Variants in ST3GAL3 observed in about 807,000 individuals in gnomAD.
ST3GAL3 encodes ST3 beta-galactoside alpha-2,3-sialyltransferase 3.
A neutral mutation model predicts 50.1 loss-of-function variants in ST3GAL3; 21 were observed. The ratio of observed to expected loss-of-function variants is 0.42; its 90% confidence interval spans 0.30 to 0.60. ST3GAL3 has a LOEUF of 0.60. Ranked by LOEUF, ST3GAL3 falls within the 20% of genes least tolerant of loss-of-function variation. The probability of loss-of-function intolerance (pLI) is 0.19; values close to 1 mark genes in which losing one functional copy is unlikely to be tolerated. For missense variants in ST3GAL3, 353 were observed against 489.4 expected (o/e 0.72, Z 2.63); for synonymous variants, 183 against 190.0 (o/e 0.96, Z 0.30).
At chr1:43,775,281 T>A (rs1015041363) in intron 2 of ST3GAL3, among the ~76,000 whole-genome samples, 1 of 151,712 alleles carries the variant, frequency 6.6e-6, no homozygotes, top group Non-Finnish European at 1.5e-5. Context: ...TCACCCAGGC[T>A]GGAGTGGAAT....
At chr1:43,880,518 C>A (rs982201681) in intron 5 of ST3GAL3, among the ~76,000 whole-genome samples, 24 of 152,042 alleles carry the variant, frequency 1.6e-4, no homozygotes, top group Non-Finnish European at 5.9e-5. Flanking sequence ...CGCTGGCTGT[C>A]ACCTACCCCC....
chr1:43,826,830 T>C (rs1001836860), intron 4 of ST3GAL3, among the ~76,000 whole-genome samples: 1 of 152,194 alleles, frequency 6.6e-6, no homozygotes, highest in African/African-American at 2.4e-5. Context: ...ATCAACAGGC[T>C]AAAGAAGAAA....
intron 4 of ST3GAL3, among the ~76,000 whole-genome samples, chr1:43,820,632 T>C (rs1164187803): frequency 1.3e-5 from 2 of 152,248 alleles, no homozygotes; most frequent in Non-Finnish European, 2.9e-5. Flanking sequence ...ATTATGTCTT[T>C]CTGGAATAGA....
At chr1:43,776,638 A>T (rs1240645263) in intron 2 of ST3GAL3, among the ~76,000 whole-genome samples, 3 of 152,116 alleles carry the variant, frequency 2.0e-5, no homozygotes, top group African/African-American at 7.2e-5. Flanking sequence ...TAACTTACTG[A>T]GGAACTGCCA....
At chr1:43,801,213 G>C in intron 3 of ST3GAL3, 1 of 453,066 alleles carries the variant, frequency 2.2e-6, no homozygotes, top group South Asian at 1.6e-5. Context: ...TCCTTAAATT[G>C]GTGTTCATGG....
At chr1:43,913,859 C>G (rs763305648) in intron 9 of ST3GAL3, 8 of 152,236 alleles carry the variant, frequency 5.3e-5, no homozygotes, top group Non-Finnish European at 1.0e-4. Context: ...AGTAAGACCT[C>G]AGCGCAGTGA....
At chr1:43,791,895 C>G (rs1042469694) in intron 2 of ST3GAL3, among the ~76,000 whole-genome samples, 18 of 152,322 alleles carry the variant, frequency 1.2e-4, no homozygotes, top group African/African-American at 4.3e-4. Flanking sequence ...AGACGTCTCT[C>G]CCTCTGGCAG....
At chr1:43,875,950 C>CTTATTA (rs200892055) in intron 5 of ST3GAL3, among the ~76,000 whole-genome samples, 7 of 74,040 alleles carry the variant, frequency 9.5e-5, no homozygotes, top group South Asian at 4.7e-4. Context: ...TCTTCTTCTT[C>CTTATTA]TTATTATTAT....
At chr1:43,877,503 G>A (rs182679556) in intron 5 of ST3GAL3, among the ~76,000 whole-genome samples, 2 of 152,156 alleles carry the variant, frequency 1.3e-5, no homozygotes, top group Non-Finnish European at 2.9e-5. Context: ...AGAAAAGACA[G>A]ATGGAATAGG....
intron 2 of ST3GAL3, among the ~76,000 whole-genome samples, chr1:43,775,122 G>A (rs891527118): frequency 2.0e-5 from 3 of 152,014 alleles, no homozygotes; most frequent in Non-Finnish European, 4.4e-5. Context: ...CTTAATCCAT[G>A]AGTACCTTGT....
At chr1:43,708,820 C>G (rs1557943011) in intron 1 of ST3GAL3, among the ~76,000 whole-genome samples, 1 of 152,160 alleles carries the variant, frequency 6.6e-6, no homozygotes, top group Non-Finnish European at 1.5e-5. Context: ...CATTCATGTT[C>G]TCAGAGACTA....
chr1:43,784,023 A>G (rs1403820669), intron 2 of ST3GAL3, among the ~76,000 whole-genome samples: 1 of 152,110 alleles, frequency 6.6e-6, no homozygotes, highest in Non-Finnish European at 1.5e-5. Context: ...CCTGAAAGAA[A>G]CCCTACTAAA....
intron 5 of ST3GAL3, among the ~76,000 whole-genome samples, chr1:43,886,812 A>G (rs1393922664): frequency 6.6e-6 from 1 of 152,338 alleles, no homozygotes; most frequent in Middle Eastern, 3.4e-3. Flanking sequence ...TGGTAGCTAA[A>G]GCGGGTACAT....
At chr1:43,893,653 T>C (rs1284011716) in intron 5 of ST3GAL3, among the ~76,000 whole-genome samples, 1 of 152,024 alleles carries the variant, frequency 6.6e-6, no homozygotes, top group African/African-American at 2.4e-5. Flanking sequence ...ACCCTCCTTC[T>C]CTCGCCTTTG....
At chr1:43,800,174 A>G (rs573326726) in intron 3 of ST3GAL3, among the ~76,000 whole-genome samples, 31 of 151,942 alleles carry the variant, frequency 2.0e-4, no homozygotes, top group Admixed American at 1.0e-3. Context: ...TAGGCCTCTC[A>G]CCTCCCCCAC....
In ST3GAL3 at chr1:43,731,485, C is replaced by T. The variant is rs532311597; in HGVS notation, c.-30-4748C>T. Among the ~76,000 whole-genome samples, 6 of 150,286 alleles carry T rather than the reference C, an allele frequency of 4.0e-5. No homozygotes were observed. In the South Asian group the frequency reaches 6.3e-4, roughly 16 times the overall value. ...CTGCAAGCTCCACCTCCCGGGTTCA[C>T]GCCATTCTCCTGCCTCAGCCTCCCG... is the stretch of plus-strand genomic sequence containing the variant. On this transcript the variant is annotated intron_variant, in intron 1 of 11. Transcript: ENST00000347631.
rs977613823 is a variant in ST3GAL3 at position 43,917,747 on chromosome 1, C to T, written c.745-2657C>T. Among the ~76,000 whole-genome samples, 5 of 139,822 alleles carry T rather than the reference C, an allele frequency of 3.6e-5. No individual in the cohort carries two copies. In the East Asian group the frequency reaches 6.1e-4, roughly 17 times the overall value. 91.7% of individuals were successfully genotyped at this position (139,822 alleles called of 152,430 possible). On this transcript the variant is annotated intron_variant, in intron 9 of 11. Transcript: ENST00000347631. ...ACAGTGGTGCCATCTCGGCCCACTGCGACCTCTGTCCCCAGGTTCAAGCGA... is the reference window on the plus strand; with the variant it reads ...ACAGTGGTGCCATCTCGGCCCACTGTGACCTCTGTCCCCAGGTTCAAGCGA...
chr1:43,733,221 G>A (rs959442297), intron 1 of ST3GAL3, among the ~76,000 whole-genome samples: 7 of 152,058 alleles, frequency 4.6e-5, no homozygotes, highest in African/African-American at 1.7e-4. Context: ...GGCTGGTCTC[G>A]AACTCCTGGG....
rs575064805 is a variant in ST3GAL3, at chr1:43,822,259, T to C, written c.209+7326T>C. Among the ~76,000 whole-genome samples, 43 of 152,318 alleles carry C rather than the reference T, an allele frequency of 2.8e-4. 1 individual carries two copies. Among genetic ancestry groups the C allele is most frequent in the Admixed American group, 2.4e-3 (37 of 15,308 alleles). ...ATCTGGATTCCTTGAAGGAGCCAGA[T>C]CCTGGTGTCCAAGTGTGACTTTCCT... On this transcript the variant is annotated intron_variant, in intron 4 of 11. Transcript: ENST00000347631.
Sources: gnomAD v4.1 joint callset for allele counts (sites outside exome capture counted in the v4.1 genomes callset) on GRCh38, gnomAD v4.1.1 for gene constraint, MANE v1.5 for transcripts, NCBI Gene and HGNC (gene_info 2026-07-23, HGNC 2026-07-21) for gene names.